The following PI4KA variants were observed in gnomAD, a reference collection of about 807,000 sequenced individuals.
PI4KA encodes phosphatidylinositol 4-kinase alpha.
A neutral mutation model predicts 271.4 loss-of-function variants in PI4KA; 122 were observed. That is an observed-to-expected ratio of 0.45 (90% CI 0.39 to 0.52). PI4KA has a LOEUF of 0.52. Ranked by LOEUF, PI4KA falls within the 20% of genes least tolerant of loss-of-function variation. PI4KA has a pLI of 0.00. For synonymous variants in PI4KA, 1,041 were observed against 1,078.8 expected (o/e 0.96, Z 0.69); for missense variants, 1,969 against 2,769.1 (o/e 0.71, Z 6.48).
At position 20,820,631 on chromosome 22, in the gene PI4KA, A is replaced by C. The variant is rs762943014; in HGVS notation, c.457-20T>G. The C allele has an allele frequency of 6.5e-7, 1 of 1,544,192 alleles. No individual in the cohort carries two copies. The highest frequency in any genetic ancestry group is 2.2e-5 in the East Asian group (1 of 44,576). The stretch of plus-strand genomic sequence containing the variant: ...TAAAATCTGTAACAGTCAAGGAAAC[A>C]AGAAAAAAAAAACATAAACAAAATT... On this transcript the variant is annotated intron_variant, in intron 4 of 54. Transcript: ENST00000255882.
intron 19 of PI4KA, chr22:20,779,405 A>G: frequency 6.2e-7 from 1 of 1,614,236 alleles, no homozygotes; most frequent in Non-Finnish European, 8.5e-7. Flanking sequence ...TAGAGAAAGG[A>G]GGGGAAACTG....
chr22:20,806,479 G>C (rs1397771417), intron 10 of PI4KA, among the ~76,000 whole-genome samples: 2 of 150,886 alleles, frequency 1.3e-5, no homozygotes, highest in African/African-American at 4.9e-5. Context: ...AGACCAGCCT[G>C]GCCAACATGG....
rs756442114 is a variant in PI4KA at position 20,818,500 on chromosome 22, G to A, written c.839C>T (p.Ala280Val). ...MPPPSSPGGS[A>V]FHYFEASCLP... ...AAGCCCACCTTCAAAGTAGTGAAAGGCAGATCCTCCAGGGGAACTGGGAGG... is the reference window on the plus strand; with the variant it reads ...AAGCCCACCTTCAAAGTAGTGAAAGACAGATCCTCCAGGGGAACTGGGAGG... The change falls in exon 7 of 55, where the codon GCC (alanine) becomes GTC (valine). Residue 280 changes from alanine to valine, a missense_variant. Coordinates refer to ENST00000255882, the MANE Select transcript of PI4KA (RefSeq NM_058004.4). 8 of 1,579,058 alleles carry A rather than the reference G, an allele frequency of 5.1e-6. No homozygotes were observed. The highest frequency in any genetic ancestry group is 1.4e-5 in the African/African-American group (1 of 72,524).
At chr22:20,723,408 A>G (rs1361054164) in intron 42 of PI4KA, among the ~76,000 whole-genome samples, 2 of 152,098 alleles carry the variant, frequency 1.3e-5, no homozygotes, top group East Asian at 1.9e-4. Context: ...AACTTAAAAA[A>G]TATTCCAGGC....
chr22:20,853,752 T>C (rs1395807679), intron 1 of PI4KA, among the ~76,000 whole-genome samples: 1 of 151,986 alleles, frequency 6.6e-6, no homozygotes, highest in Non-Finnish European at 1.5e-5. Context: ...GGCAGGAGTC[T>C]AGTCACCAGA....
intron 1 of PI4KA, among the ~76,000 whole-genome samples, chr22:20,839,128 T>C (rs1056090547): frequency 7.9e-5 from 12 of 151,840 alleles, no homozygotes; most frequent in African/African-American, 2.4e-4. Flanking sequence ...GAGGCAGAAG[T>C]ATCACTTGAA....
At chr22:20,841,920 G>A (rs1337844979) in intron 1 of PI4KA, among the ~76,000 whole-genome samples, 2 of 152,160 alleles carry the variant, frequency 1.3e-5, no homozygotes, top group African/African-American at 2.4e-5. Flanking sequence ...AGCTGTAAAA[G>A]GCTTGGAAAT....
chr22:20,853,975 G>GA (rs361978), intron 1 of PI4KA, among the ~76,000 whole-genome samples: 54 of 145,206 alleles, frequency 3.7e-4, no homozygotes, highest in Admixed American at 8.2e-4. Flanking sequence ...AAAGGAAAGA[G>GA]AAAAAAAAAA....
chr22:20,770,585 C>T (rs1227499047), intron 19 of PI4KA, among the ~76,000 whole-genome samples: 5 of 49,514 alleles, frequency 1.0e-4, no homozygotes, highest in African/African-American at 6.9e-4. Context: ...CACGGACACA[C>T]ACACACACAC....
chr22:20,828,590 C>T (rs1923750517), intron 3 of PI4KA, among the ~76,000 whole-genome samples: 1 of 151,934 alleles, frequency 6.6e-6, no homozygotes, highest in Non-Finnish European at 1.5e-5. Context: ...GAGTCTTGCT[C>T]TGTTGCCAGA....
At chr22:20,740,471 A>C (rs1248005395) in intron 32 of PI4KA, among the ~76,000 whole-genome samples, 1 of 151,442 alleles carries the variant, frequency 6.6e-6, no homozygotes, top group Non-Finnish European at 1.5e-5. Flanking sequence ...AAAAAAAAAG[A>C]AAAAGAAATG....
intron 32 of PI4KA, among the ~76,000 whole-genome samples, chr22:20,739,464 T>C (rs150507147): frequency 1.1e-3 from 159 of 148,250 alleles, no homozygotes; most frequent in African/African-American, 3.6e-3. Flanking sequence ...CAAGACTGTC[T>C]TCAGGAAAAA....
chr22:20,790,699 A>AACACACACAC (rs362174), intron 19 of PI4KA, among the ~76,000 whole-genome samples: 8 of 139,388 alleles, frequency 5.7e-5, no homozygotes, highest in South Asian at 4.8e-4. Context: ...AAAAAAAACA[A>AACACACACAC]ACACACACAC....
rs371294560 is a variant in PI4KA, at chr22:20,845,912, T to C, written c.157-7181A>G. 9.2e-5 allele frequency among the ~76,000 whole-genome samples: 14 copies of C among 152,024 alleles called. No individual in the cohort carries two copies. The South Asian group carries it at 2.9e-3, about 32-fold the overall frequency. On this transcript the variant is annotated intron_variant, in intron 1 of 54. Transcript: ENST00000255882. ...TGCTCTTTGGTCATCTGTAGACAGA[T>C]TCATGACCTTCTAACAAACAAATTC...
At chr22:20,842,261 T>C (rs1296479501) in intron 1 of PI4KA, among the ~76,000 whole-genome samples, 1 of 151,800 alleles carries the variant, frequency 6.6e-6, no homozygotes, top group African/African-American at 2.4e-5. Flanking sequence ...TGAAAAAGGC[T>C]TGGAAATGAG....
At chr22:20,834,410 A>C (rs1384462356) in intron 3 of PI4KA, 152 bp downstream of exon 3, 16 of 654,252 alleles carry the variant, frequency 2.4e-5, no homozygotes, top group Non-Finnish European at 3.8e-5. Context: ...ACATGGATGT[A>C]AGCTCAGCCC....
intron 13 of PI4KA, among the ~76,000 whole-genome samples, 149 bp downstream of exon 13, chr22:20,803,028 GGGGAAGAAAGGCCT>G (rs1371982657): frequency 6.6e-5 from 10 of 152,206 alleles, no homozygotes; most frequent in Non-Finnish European, 2.9e-5. Flanking sequence ...AGAGAAGGCC[GGGGAAGAAAGGCCT>G]GGAGCTTGGA....
At chr22:20,724,319 A>T (rs965510366) in intron 42 of PI4KA, among the ~76,000 whole-genome samples, 6 of 149,694 alleles carry the variant, frequency 4.0e-5, no homozygotes, top group African/African-American at 1.5e-4. Flanking sequence ...AAAAAAAAAA[A>T]TTCTGGCTGA....
chr22:20,827,853 G>A (rs1601582775), intron 3 of PI4KA, among the ~76,000 whole-genome samples: 1 of 152,248 alleles, frequency 6.6e-6, no homozygotes, highest in East Asian at 1.9e-4. Flanking sequence ...GGAGGGCAGT[G>A]GCACAATCGC....
Sources: gnomAD v4.1 joint callset for allele counts (sites outside exome capture counted in the v4.1 genomes callset) on GRCh38, gnomAD v4.1.1 for gene constraint, MANE v1.5 for transcripts, NCBI Gene and HGNC (gene_info 2026-07-23, HGNC 2026-07-21) for gene names.